The following TASP1 variants were observed in gnomAD, a reference collection of about 807,000 sequenced individuals.
The protein encoded by TASP1 is threonine aspartase 1.
Under a neutral mutation model 56.6 loss-of-function variants are expected in TASP1, and 16 were observed. The ratio of observed to expected loss-of-function variants is 0.28; its 90% confidence interval spans 0.19 to 0.43. TASP1 has a LOEUF of 0.43. Ranked by LOEUF, TASP1 falls within the 20% of genes least tolerant of loss-of-function variation. The pLI is 1.00. For synonymous variants in TASP1, 179 were observed against 184.2 expected (o/e 0.97, Z 0.23); for missense variants, 393 against 511.6 (o/e 0.77, Z 2.24).
intron 10 of TASP1, among the ~76,000 whole-genome samples, chr20:13,521,701 C>T (rs2044764774): frequency 6.6e-6 from 1 of 151,834 alleles, no homozygotes; most frequent in African/African-American, 2.4e-5. Flanking sequence ...TTAATGGGTG[C>T]AGCACACCAA....
At chr20:13,508,525 A>C (rs2044211892) in intron 10 of TASP1, among the ~76,000 whole-genome samples, 1 of 151,960 alleles carries the variant, frequency 6.6e-6, no homozygotes, top group Non-Finnish European at 1.5e-5. Flanking sequence ...AATCTGAAAA[A>C]CTCCGAAATT....
intron 13 of TASP1, among the ~76,000 whole-genome samples, chr20:13,414,095 C>A (rs555997989): frequency 1.3e-5 from 2 of 152,266 alleles, no homozygotes; most frequent in Admixed American, 6.5e-5. Flanking sequence ...TAGTCTAGGA[C>A]CAGTTACTGC....
the TASP1 span, among the ~76,000 whole-genome samples, chr20:13,337,294 C>A: frequency 6.6e-6 from 1 of 152,172 alleles, no homozygotes; most frequent in Non-Finnish European, 1.5e-5. Flanking sequence ...TCTTGTGAGT[C>A]TCTGATTTTC....
intron 1 of TASP1, among the ~76,000 whole-genome samples, chr20:13,631,965 T>G (rs1016564604): frequency 6.6e-6 from 1 of 151,468 alleles, no homozygotes; most frequent in East Asian, 1.9e-4. Flanking sequence ...AGGCAGAGAA[T>G]TCCTTGAACC....
chr20:13,493,489 C>T (rs1306650459), intron 10 of TASP1, among the ~76,000 whole-genome samples: 1 of 152,208 alleles, frequency 6.6e-6, no homozygotes, highest in Non-Finnish European at 1.5e-5. Context: ...TCCTGCTCCT[C>T]CTGCCCTTGG....
chr20:13,160,205 A>T, the TASP1 span: 10 of 1,490,428 alleles, frequency 6.7e-6, no homozygotes, highest in Non-Finnish European at 9.0e-6. Context: ...TTGTTGAGAC[A>T]GCTTGGGGTT....
intron 10 of TASP1, 25 bp from the exon 11 acceptor site, chr20:13,483,362 T>C (rs545599200): frequency 1.3e-6 from 2 of 1,510,134 alleles, no homozygotes; most frequent in Non-Finnish European, 1.8e-6. Context: ...AAACCAACAG[T>C]TGAGGAAAAG....
At chr20:13,498,109 G>T (rs2043796932) in intron 10 of TASP1, among the ~76,000 whole-genome samples, 1 of 151,980 alleles carries the variant, frequency 6.6e-6, no homozygotes, top group Admixed American at 6.6e-5. Flanking sequence ...AACAAAAATT[G>T]ACAAGAGGGA....
intron 10 of TASP1, among the ~76,000 whole-genome samples, chr20:13,512,290 T>TCA (rs2044360619): frequency 6.6e-6 from 1 of 152,046 alleles, no homozygotes; most frequent in African/African-American, 2.4e-5. Flanking sequence ...TTCTTAATGA[T>TCA]CACCATTCTA....
intron 12 of TASP1, among the ~76,000 whole-genome samples, chr20:13,429,476 A>AT (rs563660526): frequency 1.4e-3 from 204 of 149,026 alleles, no homozygotes; most frequent in Middle Eastern, 3.5e-3. Context: ...TTTGTCAATT[A>AT]TTTTTTTTTT....
the TASP1 span, among the ~76,000 whole-genome samples, chr20:13,124,716 G>A: frequency 1.2e-4 from 19 of 152,266 alleles, no homozygotes; most frequent in East Asian, 2.3e-3. Context: ...GCCACACACT[G>A]TGCTGAGGAA....
At chr20:13,559,329 A>G (rs1039548401) in intron 7 of TASP1, among the ~76,000 whole-genome samples, 3 of 152,134 alleles carry the variant, frequency 2.0e-5, no homozygotes, top group African/African-American at 7.2e-5. Flanking sequence ...ACCCAGAGAA[A>G]CAAAGGAGTC....
At chr20:13,225,623 A>G in the TASP1 span, among the ~76,000 whole-genome samples, 1 of 152,184 alleles carries the variant, frequency 6.6e-6, no homozygotes, top group Non-Finnish European at 1.5e-5. Flanking sequence ...AGTTTTGAGT[A>G]CACTCTCCAT....
At chr20:13,159,154 G>C in the TASP1 span, among the ~76,000 whole-genome samples, 2 of 152,188 alleles carry the variant, frequency 1.3e-5, no homozygotes, top group South Asian at 4.1e-4. Context: ...TTGTTACAGA[G>C]ATTAGCTCTG....
At chr20:13,594,996 A>AACTAAC (rs1258467300) in intron 4 of TASP1, among the ~76,000 whole-genome samples, 2 of 152,206 alleles carry the variant, frequency 1.3e-5, no homozygotes, top group Non-Finnish European at 2.9e-5. Context: ...GTTACCCACA[A>AACTAAC]AGGGAAGCCC....
chr20:13,559,629 G>A (rs2046275761), intron 7 of TASP1, among the ~76,000 whole-genome samples: 1 of 152,144 alleles, frequency 6.6e-6, no homozygotes, highest in Non-Finnish European at 1.5e-5. Context: ...TAGATGTAAA[G>A]AGGAAACATC....
chr20:13,457,130 G>A (rs1395644529), intron 11 of TASP1, among the ~76,000 whole-genome samples: 1 of 151,990 alleles, frequency 6.6e-6, no homozygotes, highest in Non-Finnish European at 1.5e-5. Context: ...GGGGGATGGG[G>A]GACTGGGGGA....
chr20:13,578,352 T>C (rs1245507464), intron 6 of TASP1, among the ~76,000 whole-genome samples: 1 of 152,150 alleles, frequency 6.6e-6, no homozygotes, highest in East Asian at 1.9e-4. Context: ...TTCTTATTGA[T>C]ATTTTATAGT....
chr20:13,454,247 G>A (rs1349369792), intron 11 of TASP1, among the ~76,000 whole-genome samples: 3 of 152,080 alleles, frequency 2.0e-5, no homozygotes, highest in East Asian at 3.9e-4. Flanking sequence ...AATCTTTAGA[G>A]AATGAATTGA....
Sources: gnomAD v4.1 joint callset for allele counts (sites outside exome capture counted in the v4.1 genomes callset) on GRCh38, gnomAD v4.1.1 for gene constraint, MANE v1.5 for transcripts, NCBI Gene and HGNC (gene_info 2026-07-23, HGNC 2026-07-21) for gene names.